Variants in DDX60L observed in about 807,000 individuals in gnomAD.
DDX60L encodes DExD/H-box 60 like.
Under a neutral mutation model 211.6 loss-of-function variants are expected in DDX60L, and 191 were observed. That is an observed-to-expected ratio of 0.90 (90% CI 0.80 to 1.02). The LOEUF is 1.02. Ranked by LOEUF, DDX60L falls within the 50% of genes least tolerant of loss-of-function variation. The pLI, the probability that DDX60L is intolerant of heterozygous loss-of-function variation, is 0.00. For missense variants in DDX60L, 2,007 were observed against 1,984.1 expected (o/e 1.01, Z -0.22); for synonymous variants, 706 against 694.1 (o/e 1.02, Z -0.27).
At chr4:168,401,570 C>A (rs1254920969) in intron 25 of DDX60L, among the ~76,000 whole-genome samples, 2 of 152,220 alleles carry the variant, frequency 1.3e-5, no homozygotes, top group East Asian at 3.8e-4. Context: ...CGGAATAAAT[C>A]TCTTCAAATA....
chr4:168,470,870 C>T, intron 4 of DDX60L: 2 of 257,592 alleles, frequency 7.8e-6, no homozygotes, highest in South Asian at 3.6e-5. Flanking sequence ...CTACAACAGG[C>T]AAAACTCAAG....
intron 9 of DDX60L, among the ~76,000 whole-genome samples, chr4:168,445,794 A>G (rs1483920505): frequency 2.9e-5 from 4 of 137,222 alleles, no homozygotes; most frequent in Admixed American, 7.6e-5. Context: ...GATTATCTCA[A>G]TAGATGCAGA....
chr4:168,467,235 C>G (rs1361803822), intron 4 of DDX60L, among the ~76,000 whole-genome samples: 1 of 151,778 alleles, frequency 6.6e-6, no homozygotes, highest in African/African-American at 2.4e-5. Flanking sequence ...TCAGCAAGAC[C>G]CCATCTTTAT....
chr4:168,400,294 C>G (rs531845037), intron 26 of DDX60L, among the ~76,000 whole-genome samples: 1 of 152,224 alleles, frequency 6.6e-6, no homozygotes, highest in East Asian at 1.9e-4. Context: ...GATTCCATGT[C>G]TTTGCTATTG....
chr4:168,390,671 G>T (rs181717608), intron 29 of DDX60L: 2 of 405,250 alleles, frequency 4.9e-6, no homozygotes, highest in South Asian at 6.7e-5. Flanking sequence ...GAGAGGAGGT[G>T]ATTTTTCTTC....
intron 9 of DDX60L, among the ~76,000 whole-genome samples, chr4:168,444,588 C>A (rs200446008): frequency 0.27 from 33,250 of 121,680 alleles, 5,540 homozygotes; most frequent in East Asian, 0.6. Context: ...TTTTTCAGCA[C>A]CACACCACAC....
intron 12 of DDX60L, among the ~76,000 whole-genome samples, 197 bp from the exon 13 acceptor site, chr4:168,430,835 C>G (rs1043739166): frequency 6.6e-6 from 1 of 152,096 alleles, no homozygotes; most frequent in African/African-American, 2.4e-5. Flanking sequence ...ATGTCCGGGT[C>G]TAAGTACCTG....
chr4:168,445,524 T>C (rs1160371572), intron 9 of DDX60L, among the ~76,000 whole-genome samples: 4 of 152,166 alleles, frequency 2.6e-5, no homozygotes, highest in Non-Finnish European at 5.9e-5. Context: ...CCCTAACTCA[T>C]TTTATGAGGC....
At chr4:168,394,282 G>A (rs532043238) in intron 28 of DDX60L, among the ~76,000 whole-genome samples, 183 bp downstream of exon 28, 2 of 151,826 alleles carry the variant, frequency 1.3e-5, no homozygotes, top group Admixed American at 6.6e-5. Context: ...ATTTTTCAAC[G>A]TAGAAATAAT....
chr4:168,471,688 T>C (rs1260934923), intron 4 of DDX60L, 59 bp downstream of exon 4: 2 of 1,370,852 alleles, frequency 1.5e-6, no homozygotes, highest in African/African-American at 3.0e-5. Context: ...CTCTTTAGGT[T>C]AAGACATTTC....
In DDX60L at chr4:168,400,814, A is replaced by T; in HGVS notation, c.3491+12T>A. 1 of 1,602,898 alleles carries T rather than the reference A, an allele frequency of 6.2e-7. No individual in the cohort carries two copies. Among genetic ancestry groups the T allele is most frequent in the Non-Finnish European group, 8.5e-7 (1 of 1,174,692 alleles). ...CAGGGGCCAATTTGTTTAAGTAAACATTAATACTTACATCCTTTTCTGTGT... is the reference window on the plus strand; with the variant it reads ...CAGGGGCCAATTTGTTTAAGTAAACTTTAATACTTACATCCTTTTCTGTGT... On this transcript the variant is annotated intron_variant, in intron 26 of 37. Transcript: ENST00000682922.
At chr4:168,452,718 G>C (rs1348783513) in intron 8 of DDX60L, among the ~76,000 whole-genome samples, 1 of 152,090 alleles carries the variant, frequency 6.6e-6, no homozygotes, top group Non-Finnish European at 1.5e-5. Context: ...ACCGTTAACA[G>C]TATTAATTTG....
intron 5 of DDX60L, among the ~76,000 whole-genome samples, chr4:168,459,272 G>T (rs190294457): frequency 6.6e-6 from 1 of 152,082 alleles, no homozygotes; most frequent in African/African-American, 2.4e-5. Context: ...TATCACTTGA[G>T]CCCAGGAGTT....
In DDX60L at chr4:168,416,917, G is replaced by A. The variant is rs76786425; in HGVS notation, c.2611-120C>T. The A allele has an allele frequency of 7.8e-4, 401 of 512,648 alleles. 4 individuals are homozygous for A. The East Asian group carries it at 0.011, about 14-fold the overall frequency. The allele number at this position is 512,648 out of a possible 1,614,324, so 31.8% of individuals were successfully genotyped here. A position where few individuals can be genotyped will look rare whatever the true frequency, so the allele number is the denominator to read the frequency against. ...CTATAAATGACCTAACCTAAATAAA[G>A]TGAATGGTGATAAATTCAGACAATA... is the stretch of plus-strand genomic sequence containing the variant. On this transcript the variant is annotated intron_variant, in intron 19 of 37. Transcript: ENST00000682922.
chr4:168,415,512 A>G lies in DDX60L; in HGVS notation c.2875T>C (p.Cys959Arg), dbSNP rs970614697. 6.4e-7 allele frequency: 1 copy of G among 1,565,674 alleles called. No homozygotes were observed. Among genetic ancestry groups the G allele is most frequent in the Non-Finnish European group, 8.8e-7 (1 of 1,141,820 alleles). ...NQSYEVRLVLCGERYNDLEKH... is the reference protein window; with the variant it reads ...NQSYEVRLVLRGERYNDLEKH... The stretch of plus-strand genomic sequence containing the variant: ...TCTAAATCATTGTATCTCTCTCCAC[A>G]GAGCACTAGATACGAAGAGCAAGAA... Residue 959 changes from cysteine to arginine, a missense_variant, in exon 22 of 38, where the codon TGT becomes CGT. Transcript: ENST00000682922.
intron 24 of DDX60L, among the ~76,000 whole-genome samples, chr4:168,405,314 T>C (rs1747554262): frequency 6.6e-6 from 1 of 152,098 alleles, no homozygotes; most frequent in South Asian, 2.1e-4. Context: ...GGCCAACCCA[T>C]ACCATTTTTA....
intron 30 of DDX60L, among the ~76,000 whole-genome samples, chr4:168,382,802 G>C (rs1388438169): frequency 1.3e-5 from 2 of 151,942 alleles, no homozygotes; most frequent in Non-Finnish European, 2.9e-5. Context: ...CATATAAAAA[G>C]AATGAAAAAG....
chr4:168,395,326 C>A (rs1200318277), intron 27 of DDX60L, among the ~76,000 whole-genome samples: 1 of 152,002 alleles, frequency 6.6e-6, no homozygotes, highest in Non-Finnish European at 1.5e-5. Flanking sequence ...GATTACAGAC[C>A]AATTTGTATA....
chr4:168,448,681 C>T lies in DDX60L; in HGVS notation c.1095G>A (p.Leu365=). ...NHVSDLYDEQ[L]LKNIAFYYEF... ...CATAGTAGAAGGCTATATTCTTTAA[C>T]AATTGCTCATCATACAAGTCAGAAA... Residue 365 remains leucine (L), a synonymous_variant, in exon 9 of 38, where the codon TTG becomes TTA. Coordinates refer to ENST00000682922, the MANE Select transcript of DDX60L (RefSeq NM_001012967.3). The T allele has an allele frequency of 4.4e-6, 7 of 1,592,574 alleles. No individual in the cohort carries two copies. Among genetic ancestry groups the T allele is most frequent in the Non-Finnish European group, 6.0e-6 (7 of 1,163,424 alleles).
Sources: allele counts gnomAD v4.1 joint callset (sites outside exome capture counted in the v4.1 genomes callset), GRCh38; gene constraint gnomAD v4.1.1; transcripts MANE v1.5; gene names NCBI Gene and HGNC (gene_info 2026-07-23, HGNC 2026-07-21).